The following WDR49 variants were observed in gnomAD, a reference collection of about 807,000 sequenced individuals.
WDR49 encodes the protein WD repeat domain 49.
In WDR49, 107 loss-of-function variants were observed where a neutral mutation model predicts 119.5. That is an observed-to-expected ratio of 0.90 (90% CI 0.77 to 1.05). The LOEUF is 1.05. Among genes scored for constraint, WDR49 ranks in the 50% least tolerant of loss-of-function variants. WDR49 has a pLI of 0.00. For missense variants in WDR49, 1,240 were observed against 1,220.5 expected (o/e 1.02, Z -0.24); for synonymous variants, 425 against 418.8 (o/e 1.01, Z -0.18).
intron 7 of WDR49, among the ~76,000 whole-genome samples, chr3:167,598,077 T>C (rs955558302): frequency 7.9e-5 from 12 of 151,832 alleles, no homozygotes; most frequent in Admixed American, 2.0e-4. Context: ...GAGGCTGAGG[T>C]GGGCAGATCA....
chr3:167,529,240 C>T lies in WDR49; in HGVS notation c.2219-1G>A, dbSNP rs938761730. On this transcript the variant is annotated splice_acceptor_variant, in intron 13 of 18. Transcript: ENST00000682715. LOFTEE classifies it high-confidence loss of function. ...CCACATGATACCAGGTTAGCTCCTC[C>T]TAACATGTAAGGGAAAAATCTAACT... 6.4e-7 allele frequency: 1 copy of T among 1,570,068 alleles called. No individual in the cohort carries two copies. Among genetic ancestry groups the T allele is most frequent in the Admixed American group, 2.0e-5 (1 of 48,970 alleles).
At chr3:167,649,908 G>A (rs1195154652) in intron 2 of WDR49, among the ~76,000 whole-genome samples, 1 of 152,274 alleles carries the variant, frequency 6.6e-6, no homozygotes, top group South Asian at 2.1e-4. Flanking sequence ...GGTGTGCCAG[G>A]AGAAGATATA....
chr3:167,480,167 T>G (rs1308865223), intron 18 of WDR49, among the ~76,000 whole-genome samples: 1 of 147,804 alleles, frequency 6.8e-6, no homozygotes, highest in Non-Finnish European at 1.5e-5. Context: ...GAGAATTGCT[T>G]GAACCCAGGA....
intron 7 of WDR49, among the ~76,000 whole-genome samples, chr3:167,583,182 A>G (rs1714637184): frequency 6.6e-6 from 1 of 152,102 alleles, no homozygotes; most frequent in East Asian, 1.9e-4. Flanking sequence ...TTGCCTTTAA[A>G]AATGTCGTTT....
intron 7 of WDR49, among the ~76,000 whole-genome samples, chr3:167,582,026 G>A (rs980769152): frequency 7.4e-5 from 11 of 147,894 alleles, no homozygotes; most frequent in Admixed American, 6.7e-4. Context: ...GTGTGGGCAT[G>A]CTTCCGTGTG....
At chr3:167,595,120 T>G (rs1715343684) in intron 7 of WDR49, among the ~76,000 whole-genome samples, 1 of 151,938 alleles carries the variant, frequency 6.6e-6, no homozygotes, top group African/African-American at 2.4e-5. Flanking sequence ...CATTCACAAT[T>G]GCTTCAAAGA....
intron 13 of WDR49, among the ~76,000 whole-genome samples, 192 bp downstream of exon 13, chr3:167,530,922 GT>G (rs1203306362): frequency 6.6e-6 from 1 of 152,014 alleles, no homozygotes; most frequent in East Asian, 1.9e-4. Flanking sequence ...GTAGTGGGAT[GT>G]AGTCTGGCTC....
intron 10 of WDR49, among the ~76,000 whole-genome samples, chr3:167,546,775 TATC>T (rs2108258832): frequency 6.6e-6 from 1 of 151,904 alleles, no homozygotes; most frequent in East Asian, 1.9e-4. Context: ...AACCCAAACT[TATC>T]ATGTAAAAAT....
chr3:167,552,499 GAGA>G (rs1181751626), intron 10 of WDR49, among the ~76,000 whole-genome samples: 17 of 152,026 alleles, frequency 1.1e-4, no homozygotes, highest in Non-Finnish European at 2.4e-4. Flanking sequence ...TGTGAAGAGG[GAGA>G]ACCAGAGTGG....
intron 7 of WDR49, among the ~76,000 whole-genome samples, chr3:167,581,237 G>A (rs1014612664): frequency 2.0e-5 from 3 of 151,898 alleles, no homozygotes; most frequent in Non-Finnish European, 2.9e-5. Flanking sequence ...TCTTTTAACC[G>A]TTAACCTTAT....
intron 13 of WDR49, 69 bp downstream of exon 13, chr3:167,531,046 T>C (rs1173425296): frequency 2.0e-6 from 3 of 1,506,696 alleles, no homozygotes; most frequent in African/African-American, 1.4e-5. Flanking sequence ...CAAGATCTAG[T>C]AGAAATAGAT....
intron 8 of WDR49, among the ~76,000 whole-genome samples, chr3:167,567,171 G>A (rs762904922): frequency 1.3e-5 from 2 of 152,170 alleles, no homozygotes; most frequent in African/African-American, 2.4e-5. Context: ...AAGCAGTCTT[G>A]AATAATCAGA....
At chr3:167,574,051 G>A (rs983333733) in intron 8 of WDR49, among the ~76,000 whole-genome samples, 4 of 152,086 alleles carry the variant, frequency 2.6e-5, no homozygotes, top group African/African-American at 7.2e-5. Context: ...AAAGCACTTC[G>A]GTTTTTACCT....
chr3:167,520,504 C>A (rs867881376), intron 16 of WDR49, among the ~76,000 whole-genome samples: 1 of 152,096 alleles, frequency 6.6e-6, no homozygotes, highest in African/African-American at 2.4e-5. Context: ...TATGATTGTA[C>A]AGGATTGCTC....
At chr3:167,618,602 A>G (rs1161976706) in intron 5 of WDR49, among the ~76,000 whole-genome samples, 1 of 152,182 alleles carries the variant, frequency 6.6e-6, no homozygotes. Flanking sequence ...ACATCTATAT[A>G]TATCTAATTT....
intron 5 of WDR49, among the ~76,000 whole-genome samples, chr3:167,618,135 C>A: frequency 6.6e-6 from 1 of 152,148 alleles, no homozygotes; most frequent in Non-Finnish European, 1.5e-5. Context: ...TTCTCTTTCT[C>A]TCTCCCTCAT....
intron 10 of WDR49, among the ~76,000 whole-genome samples, chr3:167,554,185 G>T (rs1037924222): frequency 1.3e-5 from 2 of 152,076 alleles, no homozygotes; most frequent in African/African-American, 2.4e-5. Flanking sequence ...AATGCTCCTC[G>T]AGAAGAGTAA....
chr3:167,524,342 C>T (rs1193513849), intron 15 of WDR49, among the ~76,000 whole-genome samples: 1 of 152,238 alleles, frequency 6.6e-6, no homozygotes, highest in East Asian at 1.9e-4. Flanking sequence ...AAATTTTCTC[C>T]CATTCTGTAG....
intron 3 of WDR49, among the ~76,000 whole-genome samples, chr3:167,623,385 T>C (rs746902201): frequency 1.3e-5 from 2 of 152,032 alleles, no homozygotes; most frequent in Non-Finnish European, 2.9e-5. Flanking sequence ...TTGTTTAACA[T>C]ACAAAAATCA....
Sources: allele counts gnomAD v4.1 joint callset (sites outside exome capture counted in the v4.1 genomes callset), GRCh38; gene constraint gnomAD v4.1.1; transcripts MANE v1.5; gene names NCBI Gene and HGNC (gene_info 2026-07-23, HGNC 2026-07-21).